CDHR2: variants seen among roughly 807,000 people sequenced by gnomAD.
CDHR2 encodes the protein cadherin-related family member 2.
In CDHR2, 104 loss-of-function variants were observed where a neutral mutation model predicts 138.6. That is an observed-to-expected ratio of 0.75 (90% CI 0.64 to 0.88). The LOEUF (loss-of-function observed/expected upper bound fraction) is 0.88, where lower values mean the gene tolerates loss of function less well. CDHR2 is among the 40% of genes least tolerant of loss of function. CDHR2 has a pLI of 0.00. For synonymous variants in CDHR2, 755 were observed against 742.8 expected, an observed-to-expected ratio of 1.02 and a Z score of -0.27; for missense variants, 1,624 against 1,727.6, an observed-to-expected ratio of 0.94 and a Z score of 1.06.
intron 7 of CDHR2, among the ~76,000 whole-genome samples, chr5:176,574,516 A>C (rs138655621): frequency 5.0e-4 from 76 of 152,320 alleles, no homozygotes; most frequent in African/African-American, 1.8e-3. Context: ...CGTGCCTGGC[A>C]CATACTGTAT....
At chr5:176,577,987 G>A (rs777337806) in intron 14 of CDHR2, 47 bp from the exon 15 acceptor site, 2 of 1,573,792 alleles carry the variant, frequency 1.3e-6, no homozygotes, top group Admixed American at 1.7e-5. Context: ...GGGTGGCGGT[G>A]CGTGCATCGC....
intron 16 of CDHR2, 114 bp downstream of exon 16, chr5:176,578,722 C>T: frequency 7.4e-7 from 1 of 1,359,810 alleles, no homozygotes; most frequent in Non-Finnish European, 1.0e-6. Context: ...CTGAGACAGT[C>T]ACTCAGAGTC....
intron 16 of CDHR2, among the ~76,000 whole-genome samples, chr5:176,579,557 A>G (rs576608056): frequency 1.3e-5 from 2 of 152,258 alleles, no homozygotes; most frequent in East Asian, 3.9e-4. Context: ...GGTGCCCAGC[A>G]TGAGCCCCAG....
intron 16 of CDHR2, among the ~76,000 whole-genome samples, chr5:176,579,752 G>A (rs1758482021): frequency 6.6e-6 from 1 of 152,168 alleles, no homozygotes; most frequent in African/African-American, 2.4e-5. Flanking sequence ...GAAAGAATTG[G>A]TTGAGTCGGA....
chr5:176,572,408 A>C (rs910886197), intron 6 of CDHR2, among the ~76,000 whole-genome samples: 7 of 151,770 alleles, frequency 4.6e-5, no homozygotes, highest in Non-Finnish European at 1.0e-4. Context: ...TAAATAAATA[A>C]ATAAATAATA....
At chr5:176,555,909 CAAAAA>C (rs56237222) in intron 1 of CDHR2, among the ~76,000 whole-genome samples, 1 of 151,662 alleles carries the variant, frequency 6.6e-6, no homozygotes, top group Non-Finnish European at 1.5e-5. Context: ...TCAAAACAAA[CAAAAA>C]AAACCCCCTC....
chr5:176,579,910 G>A (rs539790416), intron 16 of CDHR2, among the ~76,000 whole-genome samples: 2 of 152,236 alleles, frequency 1.3e-5, no homozygotes, highest in East Asian at 3.9e-4. Context: ...GTCACCCAGC[G>A]GTGTCACCTG....
chr5:176,578,488 GTCC>G lies in CDHR2; in HGVS notation c.1705_1707del (p.Ser569del), dbSNP rs756946866. On this transcript the variant is annotated inframe_deletion, in exon 16 of 32. Transcript: ENST00000261944. The stretch of plus-strand genomic sequence containing the variant: ...TGCAGGCCACAGACGGCGGGAACCT[GTCC>G]TCCTCCACCACACTGCAGATCCACC... 2 of 1,613,844 alleles carry G rather than the reference GTCC, an allele frequency of 1.2e-6. No homozygotes were observed. The highest frequency in any genetic ancestry group is 1.3e-5 in the African/African-American group (1 of 74,926).
At chr5:176,571,102 A>AAACAGTAG (rs1221986620) in intron 5 of CDHR2, 111 bp from the exon 6 acceptor site, 4 of 625,112 alleles carry the variant, frequency 6.4e-6, no homozygotes, top group Non-Finnish European at 1.1e-5. Context: ...AAGAGAGACC[A>AAACAGTAG]AACAGTAGGT....
intron 10 of CDHR2, 62 bp from the exon 11 acceptor site, chr5:176,575,662 C>T (rs1758358360): frequency 6.2e-7 from 1 of 1,600,090 alleles, no homozygotes. Flanking sequence ...GGCAATGGGC[C>T]TGGGGCTCCG....
chr5:176,587,961 G>T (rs1224755048), intron 21 of CDHR2, among the ~76,000 whole-genome samples: 5 of 152,196 alleles, frequency 3.3e-5, no homozygotes, highest in Non-Finnish European at 5.9e-5. Flanking sequence ...TCTTTAAATA[G>T]ATTCCTTTTT....
chr5:176,595,329 C>T (rs1394463057), intron 31 of CDHR2, among the ~76,000 whole-genome samples: 1 of 152,134 alleles, frequency 6.6e-6, no homozygotes, highest in Non-Finnish European at 1.5e-5. Flanking sequence ...CAGGCCACAC[C>T]CTCCCCCTCC....
At chr5:176,567,677 G>C (rs1274120877) in intron 3 of CDHR2, among the ~76,000 whole-genome samples, 3 of 152,038 alleles carry the variant, frequency 2.0e-5, no homozygotes, top group Non-Finnish European at 4.4e-5. Flanking sequence ...ATTTTTAGTA[G>C]AGACGGGGTT....
chr5:176,556,490 C>CT (rs1207736064), intron 1 of CDHR2, among the ~76,000 whole-genome samples: 1 of 152,184 alleles, frequency 6.6e-6, no homozygotes, highest in East Asian at 1.9e-4. Flanking sequence ...CATGGTGAAA[C>CT]CCAGTCTCTA....
Position 176,576,295 on chromosome 5 carries a change from G to C in CDHR2, c.1194+110G>C. 1.2e-6 allele frequency: 1 copy of C among 854,270 alleles called. No individual in the cohort carries two copies. Among genetic ancestry groups the C allele is most frequent in the Non-Finnish European group, 1.8e-6 (1 of 546,198 alleles). The allele number at this position is 854,270 out of a possible 1,614,324, so 52.9% of individuals were successfully genotyped here. A position where few individuals can be genotyped will look rare whatever the true frequency, so the allele number is the denominator to read the frequency against. ...TGGGTGGCGGTGCTGGTGGTGCAGGGTGTGATGGCGGAGAATGGGGGTGCT... is the reference window on the plus strand; with the variant it reads ...TGGGTGGCGGTGCTGGTGGTGCAGGCTGTGATGGCGGAGAATGGGGGTGCT... On this transcript the variant is annotated intron_variant, in intron 12 of 31. Transcript: ENST00000261944. This position sits in a 1 kb window ranked among gnomAD's most constrained non-coding sequence, Gnocchi z 4.5.
intron 3 of CDHR2, among the ~76,000 whole-genome samples, chr5:176,566,090 G>T (rs931226428): frequency 6.7e-6 from 1 of 149,296 alleles, no homozygotes; most frequent in Non-Finnish European, 1.5e-5. Context: ...CCACTCCCAC[G>T]CTGGCTTTTT....
chr5:176,585,287 G>A (rs553734553), intron 19 of CDHR2, among the ~76,000 whole-genome samples: 2 of 139,822 alleles, frequency 1.4e-5, no homozygotes, highest in South Asian at 4.6e-4. Context: ...TCAAATTAAT[G>A]CCATTATTTT....
chr5:176,586,393 ATTGT>A, intron 20 of CDHR2, among the ~76,000 whole-genome samples: 1 of 152,190 alleles, frequency 6.6e-6, no homozygotes, highest in East Asian at 1.9e-4. Flanking sequence ...ACAGGGTTTC[ATTGT>A]GTTGGCCAGA....
At chr5:176,594,360 G>A (rs575026337) in intron 31 of CDHR2, among the ~76,000 whole-genome samples, 17 of 152,304 alleles carry the variant, frequency 1.1e-4, no homozygotes, top group African/African-American at 2.6e-4. Flanking sequence ...CTGGGGTGGC[G>A]CAGGTGGATC....
Sources: gnomAD v4.1 joint callset for allele counts (sites outside exome capture counted in the v4.1 genomes callset) on GRCh38, gnomAD v4.1.1 for gene constraint, Gnocchi (gnomAD v3.1) non-coding constraint, MANE v1.5 for transcripts, NCBI Gene and HGNC (gene_info 2026-07-23, HGNC 2026-07-21) for gene names.